Variants in CNTN5 observed in about 807,000 individuals in gnomAD.
CNTN5 encodes contactin-5.
In CNTN5, 77 loss-of-function variants were observed where a neutral mutation model predicts 129.1. That is an observed-to-expected ratio of 0.60 (90% CI 0.50 to 0.72). The LOEUF (loss-of-function observed/expected upper bound fraction) is 0.72, where lower values mean the gene tolerates loss of function less well. CNTN5 is among the 30% of genes least tolerant of loss of function. The pLI, the probability that CNTN5 is intolerant of heterozygous loss-of-function variation, is 0.00. For synonymous variants in CNTN5, 509 were observed against 465.6 expected (o/e 1.09, Z -1.20); for missense variants, 1,478 against 1,328.8 (o/e 1.11, Z -1.75).
chr11:99,897,698 A>C (rs2135936593), intron 6 of CNTN5, among the ~76,000 whole-genome samples: 1 of 152,254 alleles, frequency 6.6e-6, no homozygotes, highest in East Asian at 1.9e-4. Flanking sequence ...AATGACAGAT[A>C]TATACAGAAC....
At chr11:100,114,106 G>A (rs903388351) in intron 13 of CNTN5, among the ~76,000 whole-genome samples, 33 of 152,126 alleles carry the variant, frequency 2.2e-4, no homozygotes, top group South Asian at 4.1e-4. Flanking sequence ...AACTTTGGGC[G>A]TGCATCCAAG....
intron 16 of CNTN5, among the ~76,000 whole-genome samples, chr11:100,233,358 A>C (rs770828721): frequency 1.3e-5 from 2 of 152,226 alleles, no homozygotes; most frequent in Non-Finnish European, 2.9e-5. Flanking sequence ...CCTAGGAGTC[A>C]GAGAATTTCT....
At chr11:99,905,606 T>C (rs1565661414) in intron 6 of CNTN5, among the ~76,000 whole-genome samples, 1 of 152,174 alleles carries the variant, frequency 6.6e-6, no homozygotes, top group Non-Finnish European at 1.5e-5. Flanking sequence ...TTTCTTAGGA[T>C]TGTCTTTGCT....
At chr11:99,359,271 C>A (rs1003721463) in intron 2 of CNTN5, among the ~76,000 whole-genome samples, 22 of 152,054 alleles carry the variant, frequency 1.4e-4, no homozygotes, top group African/African-American at 5.3e-4. Flanking sequence ...GTCCTTATAA[C>A]CTTCTATGGT....
At chr11:99,892,723 A>T (rs1949096424) in intron 6 of CNTN5, among the ~76,000 whole-genome samples, 1 of 152,062 alleles carries the variant, frequency 6.6e-6, no homozygotes. Context: ...TGTTTTTGTT[A>T]CTGTAGCCTT....
chr11:99,895,913 T>C lies in CNTN5; in HGVS notation c.578-20141T>C, dbSNP rs367853021. ...AGAATAGATGGCGCATCCATAGTAC[T>C]AAGAAGCAGCTAGACTCCATACTGC... On this transcript the variant is annotated intron_variant, in intron 6 of 24. Coordinates refer to ENST00000524871, the MANE Select transcript of CNTN5 (RefSeq NM_014361.4). 2.8e-4 allele frequency among the ~76,000 whole-genome samples: 43 copies of C among 152,254 alleles called. 1 individual carries two copies. The South Asian group carries it at 7.9e-3, about 28-fold the overall frequency.
At chr11:100,126,219 C>T (rs1297439740) in intron 13 of CNTN5, among the ~76,000 whole-genome samples, 13 of 151,860 alleles carry the variant, frequency 8.6e-5, no homozygotes, top group African/African-American at 2.4e-5. Flanking sequence ...ACTTCCTGGG[C>T]AGATCTTGGA....
intron 23 of CNTN5, among the ~76,000 whole-genome samples, chr11:100,343,754 T>C (rs1952217748): frequency 6.6e-6 from 1 of 152,000 alleles, no homozygotes; most frequent in Non-Finnish European, 1.5e-5. Context: ...TGCACACTAA[T>C]ATAGAATGAC....
chr11:99,313,307 G>T (rs1418396151), intron 1 of CNTN5, among the ~76,000 whole-genome samples: 4 of 151,998 alleles, frequency 2.6e-5, no homozygotes, highest in Non-Finnish European at 5.9e-5. Flanking sequence ...CCCATTTTCA[G>T]CTTGAATTAT....
At chr11:99,650,383 T>G (rs10790872) in intron 3 of CNTN5, among the ~76,000 whole-genome samples, 50,369 of 151,696 alleles carry the variant, frequency 0.33, 8,552 homozygotes, top group South Asian at 0.42. Context: ...AACAGATGAT[T>G]ATAAAGCTAT....
In CNTN5 at chr11:99,326,014, A is replaced by C. The variant is rs1197944786; in HGVS notation, c.-71+530A>C. Among the ~76,000 whole-genome samples, 3 of 152,328 alleles carry C rather than the reference A, an allele frequency of 2.0e-5. No individual in the cohort carries two copies. The East Asian group carries it at 5.8e-4, about 29-fold the overall frequency. On this transcript the variant is annotated intron_variant, in intron 2 of 24. Transcript: ENST00000524871. ...TTCTGAAGGCAGACGACTTTTATGC[A>C]GTTTGCACAACAGCTCCGCATTCTT...
At chr11:99,407,915 A>C (rs940689567) in intron 2 of CNTN5, among the ~76,000 whole-genome samples, 2 of 152,174 alleles carry the variant, frequency 1.3e-5, no homozygotes, top group African/African-American at 4.8e-5. Context: ...TACTCTCTGC[A>C]TCATGCTTCC....
chr11:99,289,710 T>C (rs532881736), intron 1 of CNTN5, among the ~76,000 whole-genome samples: 2 of 151,942 alleles, frequency 1.3e-5, no homozygotes, highest in Admixed American at 6.6e-5. Flanking sequence ...GCTTCTCAAA[T>C]GTTCAAGGAC....
chr11:100,156,354 A>T (rs1947242589), intron 13 of CNTN5, among the ~76,000 whole-genome samples: 2 of 152,114 alleles, frequency 1.3e-5, no homozygotes, highest in Non-Finnish European at 2.9e-5. Flanking sequence ...GATGAAGCTG[A>T]CTTGATCATG....
intron 3 of CNTN5, among the ~76,000 whole-genome samples, chr11:99,602,125 C>T (rs1024258917): frequency 5.3e-5 from 8 of 151,854 alleles, no homozygotes; most frequent in African/African-American, 1.9e-4. Flanking sequence ...ATAATAGATA[C>T]AAATCATGTA....
chr11:99,277,591 C>T (rs1319335306), intron 1 of CNTN5, among the ~76,000 whole-genome samples: 3 of 151,648 alleles, frequency 2.0e-5, no homozygotes, highest in Admixed American at 6.6e-5. Context: ...CAAGAAGAGA[C>T]GTGTTTCTTT....
chr11:99,155,656 T>TA (rs538026440), intron 1 of CNTN5, among the ~76,000 whole-genome samples: 144 of 146,684 alleles, frequency 9.8e-4, no homozygotes, highest in Middle Eastern at 7.0e-3. Flanking sequence ...TCATTTAACT[T>TA]AAAAAAAAAA....
chr11:99,241,318 G>GTTTTTTTTTTTTTTTTTTTTTTTTTT (rs10648459), intron 1 of CNTN5, among the ~76,000 whole-genome samples: 12 of 88,048 alleles, frequency 1.4e-4, no homozygotes, highest in African/African-American at 2.6e-4. Context: ...TTGATTGTTG[G>GTTTTTTTTTTTTTTTTTTTTTTTTTT]TTTTTTTTTT....
chr11:100,107,516 AC>A, intron 13 of CNTN5, among the ~76,000 whole-genome samples: 1 of 149,266 alleles, frequency 6.7e-6, no homozygotes. Flanking sequence ...TGAAGTCTAA[AC>A]ATCTCAGTGG....
Sources: gnomAD v4.1 joint callset for allele counts (sites outside exome capture counted in the v4.1 genomes callset) on GRCh38, gnomAD v4.1.1 for gene constraint, MANE v1.5 for transcripts, NCBI Gene and HGNC (gene_info 2026-07-23, HGNC 2026-07-21) for gene names.